VGLL1: variants seen among roughly 807,000 people sequenced by gnomAD.
VGLL1 encodes the protein transcription cofactor vestigial-like protein 1.
A neutral mutation model predicts 12.0 loss-of-function variants in VGLL1; 4 were observed. That is an observed-to-expected ratio of 0.33 (90% CI 0.16 to 0.76). The LOEUF is 0.76. Ranked by LOEUF, VGLL1 falls within the 30% of genes least tolerant of loss-of-function variation. VGLL1 has a pLI of 0.60. For synonymous variants in VGLL1, 87 were observed against 81.2 expected (o/e 1.07, Z -0.39); for missense variants, 204 against 208.7 (o/e 0.98, Z 0.14).
chrX:136,553,469 C>T (rs2075892795), intron 4 of VGLL1, among the ~76,000 whole-genome samples: 1 of 109,968 alleles, frequency 9.1e-6, no homozygotes, highest in Admixed American at 9.6e-5. Context: ...CGCCACAATG[C>T]CTGGCTAATT....
chrX:136,555,529 C>T (rs2075898766), intron 4 of VGLL1, among the ~76,000 whole-genome samples: 1 of 111,188 alleles, frequency 9.0e-6, no homozygotes, highest in Non-Finnish European at 1.9e-5. Flanking sequence ...ATGAAGGTAA[C>T]TTGAGGGGTG....
Position 136,556,482 on chromosome X carries a change from C to T in VGLL1, c.720C>T (p.Tyr240=), listed in dbSNP as rs760707143. The T allele has an allele frequency of 1.7e-6, 2 of 1,209,440 alleles. No individual in the cohort carries two copies. The highest frequency in any genetic ancestry group is 3.5e-5 in the South Asian group (2 of 56,766). The change falls in exon 5 of 5, where the codon TAC becomes TAT. Residue 240 remains tyrosine, a synonymous_variant. Coordinates refer to ENST00000370634, the MANE Select transcript of VGLL1 (RefSeq NM_016267.4). ...CAGAGTTAGAGACACCTGGGAAATA[C>T]TCACTTACACCACCAAACCACTGGG... ...TLSELETPGK[Y]SLTPPNHWGH...
chrX:136,541,101 A>T (rs2075854975), intron 2 of VGLL1, among the ~76,000 whole-genome samples: 1 of 112,370 alleles, frequency 8.9e-6, no homozygotes, highest in Admixed American at 9.4e-5. Flanking sequence ...CCAGGTTCAC[A>T]GAGCAGCAGG....
At chrX:136,546,270 T>A (rs1173431782) in intron 2 of VGLL1, among the ~76,000 whole-genome samples, 2 of 111,730 alleles carry the variant, frequency 1.8e-5, no homozygotes, top group Non-Finnish European at 3.8e-5. Context: ...TAAGAGGTCT[T>A]TACCCATCCA....
rs192525050 is a variant in VGLL1, at chrX:136,544,501, G to A, written c.215-4088G>A. Reference sequence around the variant, plus strand: ...TTGCAATATTGGGGAGGCATAGTTGGTAAGAGCATAAGGTTTGGAATCAGA... The same window carrying A: ...TTGCAATATTGGGGAGGCATAGTTGATAAGAGCATAAGGTTTGGAATCAGA... On this transcript the variant is annotated intron_variant, in intron 2 of 4. Transcript: ENST00000370634. 1.5e-3 allele frequency among the ~76,000 whole-genome samples: 164 copies of A among 112,199 alleles called. 1 individual carries two copies. Among genetic ancestry groups the A allele is most frequent in the African/African-American group, 5.0e-3 (155 of 30,866 alleles).
At chrX:136,552,414 T>C (rs1480551066) in intron 4 of VGLL1, among the ~76,000 whole-genome samples, 3 of 111,974 alleles carry the variant, frequency 2.7e-5, no homozygotes, top group Non-Finnish European at 5.6e-5. Context: ...AAGGCAAGGA[T>C]TGTGGTGTTT....
intron 2 of VGLL1, among the ~76,000 whole-genome samples, chrX:136,542,019 G>A (rs1216961095): frequency 1.8e-5 from 2 of 110,343 alleles, no homozygotes; most frequent in African/African-American, 3.3e-5. Flanking sequence ...GCCACCCTGT[G>A]TTCTTCTTGT....
At chrX:136,545,563 T>G (rs1230997562) in intron 2 of VGLL1, among the ~76,000 whole-genome samples, 2 of 111,614 alleles carry the variant, frequency 1.8e-5, no homozygotes, top group Non-Finnish European at 3.8e-5. Flanking sequence ...ATTACTGCCA[T>G]GAAGGAAATA....
chrX:136,552,950 A>G (rs2075890538), intron 4 of VGLL1, among the ~76,000 whole-genome samples: 1 of 111,779 alleles, frequency 8.9e-6, no homozygotes, highest in Admixed American at 9.5e-5. Flanking sequence ...AAGCAAGCAA[A>G]AGAGCAAAGA....
intron 4 of VGLL1, among the ~76,000 whole-genome samples, chrX:136,555,727 G>T (rs1483717854): frequency 8.9e-6 from 1 of 112,242 alleles, no homozygotes; most frequent in Non-Finnish European, 1.9e-5. Flanking sequence ...ATCAACTGTG[G>T]AGCAAGACAG....
chrX:136,554,359 G>A (rs923277117), intron 4 of VGLL1, among the ~76,000 whole-genome samples: 2 of 108,807 alleles, frequency 1.8e-5, no homozygotes. Context: ...GCAAAAGCCC[G>A]AGATGTGTGT....
intron 2 of VGLL1, among the ~76,000 whole-genome samples, chrX:136,541,357 A>G (rs2075855638): frequency 8.9e-6 from 1 of 112,028 alleles, no homozygotes; most frequent in Non-Finnish European, 1.9e-5. Context: ...TTGACTGTGA[A>G]GATGTTGTCT....
At chrX:136,556,408 G>A (rs770383296) in intron 4 of VGLL1, 43 bp from the exon 5 acceptor site, 27 of 1,114,831 alleles carry the variant, frequency 2.4e-5, no homozygotes, top group Non-Finnish European at 3.0e-5. Context: ...GCCTTCCATA[G>A]GGGCCTAACT....
intron 2 of VGLL1, among the ~76,000 whole-genome samples, chrX:136,536,820 G>A (rs2075841160): frequency 8.9e-6 from 1 of 111,838 alleles, no homozygotes; most frequent in Admixed American, 9.5e-5. Context: ...TGTGACATAG[G>A]GGACAACCAA....
At chrX:136,535,913 T>A in intron 1 of VGLL1, 83 bp from the exon 2 acceptor site, 1 of 813,475 alleles carries the variant, frequency 1.2e-6, no homozygotes, top group Non-Finnish European at 1.8e-6. Flanking sequence ...GCAAATTGCT[T>A]GCCCCCAAGG....
intron 1 of VGLL1, among the ~76,000 whole-genome samples, chrX:136,535,143 C>T (rs1269923738): frequency 9.0e-6 from 1 of 111,232 alleles, no homozygotes; most frequent in Non-Finnish European, 1.9e-5. Context: ...CCAGCCTCTG[C>T]CCACAAGGAA....
intron 4 of VGLL1, among the ~76,000 whole-genome samples, chrX:136,552,453 T>C (rs755714672): frequency 8.9e-6 from 1 of 112,275 alleles, no homozygotes; most frequent in African/African-American, 3.2e-5. Flanking sequence ...GTTTCTACAT[T>C]TGTTTATTGT....
rs149970285 is a variant in VGLL1 at position 136,544,498 on chromosome X, T to C, written c.215-4091T>C. Reference sequence around the variant, plus strand: ...TCTTTGCAATATTGGGGAGGCATAGTTGGTAAGAGCATAAGGTTTGGAATC... The same window carrying C: ...TCTTTGCAATATTGGGGAGGCATAGCTGGTAAGAGCATAAGGTTTGGAATC... On this transcript the variant is annotated intron_variant, in intron 2 of 4. Coordinates refer to ENST00000370634, the MANE Select transcript of VGLL1 (RefSeq NM_016267.4). Among the ~76,000 whole-genome samples, 604 of 112,152 alleles carry C rather than the reference T, an allele frequency of 5.4e-3. 4 individuals are homozygous for C. Among genetic ancestry groups the C allele is most frequent in the African/African-American group, 0.018 (557 of 30,842 alleles).
intron 1 of VGLL1, among the ~76,000 whole-genome samples, chrX:136,535,102 G>A (rs2075835841): frequency 9.0e-6 from 1 of 111,705 alleles, no homozygotes; most frequent in Non-Finnish European, 1.9e-5. Flanking sequence ...AGGGCCCACG[G>A]TGTGCCAGGA....
Sources: gnomAD v4.1 joint callset for allele counts (sites outside exome capture counted in the v4.1 genomes callset) on GRCh38, gnomAD v4.1.1 for gene constraint, MANE v1.5 for transcripts, NCBI Gene and HGNC (gene_info 2026-07-23, HGNC 2026-07-21) for gene names.